The following XPO1 variants were observed in gnomAD, a reference collection of about 807,000 sequenced individuals.
The protein encoded by XPO1 is exportin-1.
In XPO1, 5 loss-of-function variants were observed where a neutral mutation model predicts 133.3. The observed-to-expected ratio is 0.04, with a 90% CI of 0.02 to 0.08. The LOEUF (loss-of-function observed/expected upper bound fraction) is 0.08. Among genes scored for constraint, XPO1 ranks in the 10% least tolerant of loss-of-function variants. The probability of loss-of-function intolerance (pLI) is 1.00; values close to 1 mark genes in which losing one functional copy is unlikely to be tolerated. For missense variants in XPO1, 506 were observed against 1,267.5 expected (o/e 0.40, Z 9.12); for synonymous variants, 419 against 408.2 (o/e 1.03, Z -0.32).
At position 61,482,033 on chromosome 2, in the gene XPO1, C is replaced by CTTTTT. The variant is rs1491506588; in HGVS notation, c.2972+346_2972+347insAAAAA. Reference sequence around the variant, plus strand: ...TACAGTCATGAGCCACCGTGCGTGGCCTTTTTTTTTTTTTTTTTTTTTTTG... The same window carrying CTTTTT: ...TACAGTCATGAGCCACCGTGCGTGGCTTTTTCTTTTTTTTTTTTTTTTTTTTTTTG... On this transcript the variant is annotated intron_variant, in intron 23 of 24. Coordinates refer to ENST00000401558, the MANE Select transcript of XPO1 (RefSeq NM_003400.4). Among the ~76,000 whole-genome samples, 92 of 86,808 alleles carry CTTTTT rather than the reference C, an allele frequency of 1.1e-3. 15 individuals carry two copies. The highest frequency in any genetic ancestry group is 8.3e-3 in the Middle Eastern group (1 of 120). 56.9% of individuals were successfully genotyped at this position (86,808 alleles called of 152,430 possible).
intron 24 of XPO1, among the ~76,000 whole-genome samples, chr2:61,480,079 G>A (rs1178178778): frequency 6.6e-6 from 1 of 151,642 alleles, no homozygotes; most frequent in Non-Finnish European, 1.5e-5. Flanking sequence ...TGGCCGGGCT[G>A]ATCCTGAACT....
At chr2:61,491,485 CACACACACACA>C (rs1696987625) in intron 16 of XPO1, among the ~76,000 whole-genome samples, 1 of 151,394 alleles carries the variant, frequency 6.6e-6, no homozygotes, top group African/African-American at 2.4e-5. Context: ...CACACACACA[CACACACACACA>C]CCCCAAAACA....
intron 3 of XPO1, among the ~76,000 whole-genome samples, chr2:61,523,569 TGA>T (rs920700588): frequency 2.0e-5 from 3 of 152,210 alleles, no homozygotes; most frequent in African/African-American, 7.2e-5. Context: ...ACATTTCAAC[TGA>T]GAGAATTAGG....
intron 10 of XPO1, 36 bp from the exon 11 acceptor site, chr2:61,495,649 TA>T (rs1225302093): frequency 6.6e-7 from 1 of 1,517,898 alleles, no homozygotes. Flanking sequence ...GTTCGCATTT[TA>T]TAAAACAACT....
At chr2:61,479,608 G>GA (rs1696236399) in intron 24 of XPO1, among the ~76,000 whole-genome samples, 1 of 152,048 alleles carries the variant, frequency 6.6e-6, no homozygotes, top group Non-Finnish European at 1.5e-5. Flanking sequence ...TTCTCTTTGT[G>GA]ATAGAGTCTT....
intron 7 of XPO1, 71 bp downstream of exon 7, chr2:61,499,642 A>G: frequency 7.2e-7 from 1 of 1,397,472 alleles, no homozygotes; most frequent in Non-Finnish European, 9.6e-7. Flanking sequence ...AAATATCTAC[A>G]ATTTACATCC....
chr2:61,499,145 C>G (rs12328491), intron 7 of XPO1, among the ~76,000 whole-genome samples: 3,025 of 152,280 alleles, frequency 0.02, 92 homozygotes, highest in African/African-American at 0.068. Context: ...GGAAGTATAA[C>G]TATAGTTTAT....
chr2:61,529,281 G>A (rs1699049986), intron 2 of XPO1, among the ~76,000 whole-genome samples: 1 of 152,160 alleles, frequency 6.6e-6, no homozygotes, highest in African/African-American at 2.4e-5. Flanking sequence ...TCAAAAACAG[G>A]GTAGGAAGCA....
intron 23 of XPO1, among the ~76,000 whole-genome samples, chr2:61,481,928 G>T (rs891356465): frequency 6.6e-6 from 1 of 150,612 alleles, no homozygotes; most frequent in African/African-American, 2.4e-5. Flanking sequence ...GTAGAAACGG[G>T]GTTTCACCAT....
chr2:61,537,056 T>C (rs905300395), intron 1 of XPO1: 1 of 151,874 alleles, frequency 6.6e-6, no homozygotes, highest in African/African-American at 2.4e-5. Flanking sequence ...AGCTTTCGAG[T>C]TTCCTTGCTG....
At chr2:61,519,240 T>C (rs1380481726) in intron 4 of XPO1, among the ~76,000 whole-genome samples, 4 of 152,270 alleles carry the variant, frequency 2.6e-5, no homozygotes, top group Non-Finnish European at 5.9e-5. Context: ...TGAGCCACCG[T>C]GCTGAGCCTA....
At chr2:61,522,558 T>C in intron 4 of XPO1, 53 bp downstream of exon 4, 5 of 1,518,766 alleles carry the variant, frequency 3.3e-6, no homozygotes, top group Non-Finnish European at 3.6e-6. Flanking sequence ...TCAACTACAA[T>C]AAAAATGCCA....
intron 4 of XPO1, among the ~76,000 whole-genome samples, chr2:61,506,389 C>CT (rs1271684982): frequency 6.6e-6 from 1 of 152,172 alleles, no homozygotes; most frequent in African/African-American, 2.4e-5. Flanking sequence ...CGCCACTGCA[C>CT]TCAAGCCTGG....
intron 4 of XPO1, among the ~76,000 whole-genome samples, chr2:61,509,148 C>T (rs1465131246): frequency 1.3e-5 from 2 of 151,830 alleles, no homozygotes; most frequent in African/African-American, 4.8e-5. Context: ...ATTACAGGTG[C>T]CCGTCACCAC....
intron 21 of XPO1, 109 bp from the exon 22 acceptor site, chr2:61,483,200 T>G: frequency 1.6e-6 from 2 of 1,269,514 alleles, no homozygotes; most frequent in Non-Finnish European, 2.2e-6. Flanking sequence ...TCCCTTTTTT[T>G]TGGGATGATG....
chr2:61,527,350 T>C (rs572183759), intron 2 of XPO1, among the ~76,000 whole-genome samples: 2 of 143,974 alleles, frequency 1.4e-5, no homozygotes, highest in South Asian at 2.2e-4. Context: ...AAGCTGCACA[T>C]GGTGGCTTGC....
At chr2:61,532,203 C>A (rs1231117555) in intron 2 of XPO1, among the ~76,000 whole-genome samples, 2 of 152,146 alleles carry the variant, frequency 1.3e-5, no homozygotes, top group African/African-American at 4.8e-5. Context: ...CCTCGGCTCA[C>A]TGCAAGCTCC....
At chr2:61,519,112 G>A (rs945380674) in intron 4 of XPO1, among the ~76,000 whole-genome samples, 12 of 152,040 alleles carry the variant, frequency 7.9e-5, no homozygotes, top group South Asian at 2.1e-4. Flanking sequence ...CACCACGCCC[G>A]GCTAATTTTT....
intron 3 of XPO1, among the ~76,000 whole-genome samples, chr2:61,523,126 C>T (rs1422236386): frequency 6.6e-6 from 1 of 152,096 alleles, no homozygotes; most frequent in Non-Finnish European, 1.5e-5. Flanking sequence ...AAGCTTTTGG[C>T]CAAATATTAA....
Sources: gnomAD v4.1 joint callset for allele counts (sites outside exome capture counted in the v4.1 genomes callset) on GRCh38, gnomAD v4.1.1 for gene constraint, MANE v1.5 for transcripts, NCBI Gene and HGNC (gene_info 2026-07-23, HGNC 2026-07-21) for gene names.